PPIP5K2: variants seen among roughly 807,000 people sequenced by gnomAD.
PPIP5K2 encodes inositol hexakisphosphate and diphosphoinositol-pentakisphosphate kinase 2.
PPIP5K2 carries 105 observed loss-of-function variants against 154.6 expected under a neutral mutation model. That is an observed-to-expected ratio of 0.68 (90% confidence interval 0.58 to 0.80). The LOEUF (loss-of-function observed/expected upper bound fraction) is 0.80, where lower values mean the gene tolerates loss of function less well. PPIP5K2 is among the 30% of genes least tolerant of loss of function. The probability of loss-of-function intolerance (pLI) is 0.00; values close to 1 mark genes in which losing one functional copy is unlikely to be tolerated. For missense variants in PPIP5K2, 992 were observed against 1,504.6 expected, an observed-to-expected ratio of 0.66 and a Z score of 5.64; for synonymous variants, 480 against 490.3, an observed-to-expected ratio of 0.98 and a Z score of 0.28.
chr5:103,211,392 G>A lies in PPIP5K2; in HGVS notation c.*9758G>A, dbSNP rs1444822470. The A allele has an allele frequency of 6.6e-5, 10 of 152,094 alleles. No homozygotes were observed. Among genetic ancestry groups the A allele is most frequent in the African/African-American group, 1.9e-4 (8 of 41,426 alleles). The allele number at this position is 152,094 out of a possible 1,614,324, so 9.4% of individuals were successfully genotyped here. A position where few individuals can be genotyped will look rare whatever the true frequency, so the allele number is the denominator to read the frequency against. On this transcript the variant is annotated 3_prime_UTR_variant, in exon 31 of 31. Transcript: ENST00000358359. ...ATCAGATGACATGTTACTGGGTGAA[G>A]CCAGGAAGCTACCATATACATAGAA... is the stretch of plus-strand genomic sequence containing the variant.
intron 3 of PPIP5K2, among the ~76,000 whole-genome samples, chr5:103,135,697 A>T (rs907069014): frequency 6.6e-6 from 1 of 151,196 alleles, no homozygotes; most frequent in South Asian, 2.1e-4. Flanking sequence ...CTCCCAAAGT[A>T]CTGGGACAGG....
Position 103,146,537 on chromosome 5 carries a change from G to A in PPIP5K2, c.498G>A (p.Leu166=). 1 of 1,610,546 alleles carries A rather than the reference G, an allele frequency of 6.2e-7. No individual in the cohort carries two copies. The highest frequency in any genetic ancestry group is 8.5e-7 in the Non-Finnish European group (1 of 1,178,668). The change falls in exon 6 of 31, where the codon CTG becomes CTA. Residue 166 remains leucine (L), a synonymous_variant. Transcript: ENST00000358359. ...GTGTTTGTTTTATAGAATGTAATCT[G>A]ATTGAAGGGGAAGATCATGTAGAAG... ...RDPNNPKECN[L]IEGEDHVEVN... is the part of the protein sequence containing the mutation.
Position 103,190,831 on chromosome 5 carries a change from T to C in PPIP5K2, c.3353-11T>C. 1 of 1,557,714 alleles carries C rather than the reference T, an allele frequency of 6.4e-7. No individual in the cohort carries two copies. The highest frequency in any genetic ancestry group is 8.6e-7 in the Non-Finnish European group (1 of 1,158,842). ...CTTTTATTTTTTGTTTTTGGTTTTTTTCTCTTCTAGGCTTTGAATTGTATT... is the reference window on the plus strand; with the variant it reads ...CTTTTATTTTTTGTTTTTGGTTTTTCTCTCTTCTAGGCTTTGAATTGTATT... On this transcript the variant is annotated splice_polypyrimidine_tract_variant and intron_variant, in intron 28 of 30. Transcript: ENST00000358359.
In PPIP5K2 at chr5:103,183,318, A is replaced by G. The variant is rs1554223726; in HGVS notation, c.3007A>G (p.Arg1003Gly). 6.2e-7 allele frequency: 1 copy of G among 1,606,418 alleles called. No homozygotes were observed. The highest frequency in any genetic ancestry group is 1.1e-5 in the South Asian group (1 of 90,278). ...YTSGVGTGRR[R>G]RRSGEQITSS... ...CAGTGGTGTGGGTACTGGGCGTCGAAGACGCAGATCAGGGGAACAAATCAC... is the reference window on the plus strand; with the variant it reads ...CAGTGGTGTGGGTACTGGGCGTCGAGGACGCAGATCAGGGGAACAAATCAC... The change falls in exon 25 of 31, where the codon AGA becomes GGA. Residue 1003 changes from arginine to glycine, a missense_variant. Around this residue, in one of 9 missense-constraint regions of PPIP5K2, gnomAD observed 204 missense variants for 224.0 expected, o/e 0.91. Coordinates refer to ENST00000358359, the MANE Select transcript of PPIP5K2 (RefSeq NM_001276277.3).
intron 5 of PPIP5K2, among the ~76,000 whole-genome samples, chr5:103,140,836 C>CAAAAAAA (rs34150862): frequency 1.1e-5 from 1 of 88,170 alleles, no homozygotes; most frequent in African/African-American, 3.8e-5. Context: ...GACTCCGTCT[C>CAAAAAAA]AAAAAAAAAA....
At chr5:103,131,363 G>C (rs151017151) in intron 2 of PPIP5K2, among the ~76,000 whole-genome samples, 1 of 152,074 alleles carries the variant, frequency 6.6e-6, no homozygotes, top group Non-Finnish European at 1.5e-5. Flanking sequence ...TGTGTAAATA[G>C]TTGTTATACT....
In PPIP5K2 at chr5:103,120,383, C is replaced by T. The variant is rs782813069; in HGVS notation, c.-390C>T. ...ACGTCCACGCCTACAACTGAAGTCT[C>T]TTGACAAACACCTCACCCCTGCCTC... On this transcript the variant is annotated 5_prime_UTR_variant, in exon 1 of 31. Coordinates refer to ENST00000358359, the MANE Select transcript of PPIP5K2 (RefSeq NM_001276277.3). The T allele has an allele frequency of 2.2e-6, 1 of 456,546 alleles. No individual in the cohort carries two copies. Among genetic ancestry groups the T allele is most frequent in the South Asian group, 1.5e-5 (1 of 64,552 alleles). 28.3% of individuals were successfully genotyped at this position (456,546 alleles called of 1,614,324 possible).
chr5:103,145,661 C>A (rs576000671), intron 5 of PPIP5K2, among the ~76,000 whole-genome samples: 16 of 150,680 alleles, frequency 1.1e-4, no homozygotes, highest in Admixed American at 7.9e-4. Flanking sequence ...CATGTTTTCA[C>A]GTGTGGGAGC....
At chr5:103,164,521 C>A (rs553347308) in intron 17 of PPIP5K2, among the ~76,000 whole-genome samples, 2 of 152,118 alleles carry the variant, frequency 1.3e-5, no homozygotes, top group African/African-American at 4.8e-5. Flanking sequence ...TTTATGCACT[C>A]TTTTGACTGG....
Position 103,154,739 on chromosome 5 carries a change from G to A in PPIP5K2, c.1287G>A (p.Gln429=), listed in dbSNP as rs782401633. 2.5e-6 allele frequency: 4 copies of A among 1,586,790 alleles called. No individual in the cohort carries two copies. In the South Asian group the frequency reaches 3.5e-5, roughly 14 times the overall value. The change falls in exon 12 of 31, where the codon CAG becomes CAA. Residue 429 remains glutamine (Q), a synonymous_variant. Coordinates refer to ENST00000358359, the MANE Select transcript of PPIP5K2 (RefSeq NM_001276277.3). ...SGKLKLKKPK[Q]LQEVLDIARQ... ...AATTAAAACTCAAAAAACCAAAACA[G>A]TTACAGGCAAGTGTATTTGCTTTCT...
intron 5 of PPIP5K2, among the ~76,000 whole-genome samples, chr5:103,141,105 G>A (rs1002496559): frequency 6.6e-6 from 1 of 152,148 alleles, no homozygotes; most frequent in Non-Finnish European, 1.5e-5. Flanking sequence ...AGGCCGAGGT[G>A]GGTGGATCAC....
intron 1 of PPIP5K2, among the ~76,000 whole-genome samples, chr5:103,127,113 G>T (rs545686369): frequency 4.1e-4 from 62 of 152,072 alleles, no homozygotes; most frequent in Non-Finnish European, 4.1e-4. Flanking sequence ...TTAATTTTCA[G>T]CTTTACCTCT....
chr5:103,150,999 G>A (rs1165505615), intron 8 of PPIP5K2, among the ~76,000 whole-genome samples: 1 of 151,500 alleles, frequency 6.6e-6, no homozygotes, highest in African/African-American at 2.4e-5. Context: ...GGCCTCTGTA[G>A]CCCCTTATGC....
intron 1 of PPIP5K2, among the ~76,000 whole-genome samples, chr5:103,126,246 G>A (rs560777784): frequency 6.6e-6 from 1 of 152,048 alleles, no homozygotes; most frequent in Non-Finnish European, 1.5e-5. Context: ...AATGAGACAT[G>A]TTTCAGACCT....
intron 14 of PPIP5K2, 67 bp downstream of exon 14, chr5:103,156,061 C>T (rs1795368604): frequency 9.3e-7 from 1 of 1,076,164 alleles, no homozygotes; most frequent in East Asian, 2.4e-5. Flanking sequence ...TGTTGATTAC[C>T]TTTGGACCAT....
Position 103,129,526 on chromosome 5 carries a change from T to G in PPIP5K2, c.-64T>G. 7.5e-7 allele frequency: 1 copy of G among 1,337,520 alleles called. No individual in the cohort carries two copies. The highest frequency in any genetic ancestry group is 1.0e-6 in the Non-Finnish European group (1 of 999,474). The allele number at this position is 1,337,520 out of a possible 1,614,324, so 82.9% of individuals were successfully genotyped here. ...TATGGAGAATGCTTTCTTCTGATAC[T>G]ATTTACTTAGAGGCAGTTTTAATAT... On this transcript the variant is annotated 5_prime_UTR_variant, in exon 2 of 31. Coordinates refer to ENST00000358359, the MANE Select transcript of PPIP5K2 (RefSeq NM_001276277.3).
chr5:103,166,488 A>G (rs1488630569), intron 17 of PPIP5K2, among the ~76,000 whole-genome samples: 3 of 152,012 alleles, frequency 2.0e-5, no homozygotes, highest in Non-Finnish European at 4.4e-5. Flanking sequence ...TCTTCAGTTA[A>G]TAATGTAAAA....
intron 4 of PPIP5K2, among the ~76,000 whole-genome samples, chr5:103,137,332 T>C (rs939092167): frequency 1.3e-5 from 2 of 151,914 alleles, no homozygotes; most frequent in African/African-American, 4.8e-5. Context: ...CCAGCTAATT[T>C]TTTGTATTTT....
chr5:103,139,508 A>C (rs1167051815), intron 5 of PPIP5K2, among the ~76,000 whole-genome samples: 3 of 152,172 alleles, frequency 2.0e-5, no homozygotes, highest in Non-Finnish European at 4.4e-5. Context: ...GGCTTAGATC[A>C]TAACACTTAG....
Sources: allele counts gnomAD v4.1 joint callset (sites outside exome capture counted in the v4.1 genomes callset), GRCh38; gene constraint gnomAD v4.1.1; regional missense constraint gnomAD v4.1.1; transcripts MANE v1.5; gene names NCBI Gene and HGNC (gene_info 2026-07-23, HGNC 2026-07-21).